CEBPZOS: variants seen among roughly 807,000 people sequenced by gnomAD.
CEBPZOS encodes protein CEBPZOS.
A neutral mutation model predicts 4.8 loss-of-function variants in CEBPZOS; 10 were observed. That is an observed-to-expected ratio of 2.07 (90% CI 1.28 to 3.52). CEBPZOS has a LOEUF of 3.52. Ranked by LOEUF, CEBPZOS falls within the 30% of genes most tolerant of loss-of-function variation. The pLI is 0.00. For missense variants in CEBPZOS, 98 were observed against 43.6 expected, an observed-to-expected ratio of 2.25 and a Z score of -3.51; for synonymous variants, 25 against 14.2, an observed-to-expected ratio of 1.77 and a Z score of -1.72.
chr2:37,210,127 C>T (rs1313728196), intron 4 of CEBPZOS: 1 of 152,028 alleles, frequency 6.6e-6, no homozygotes. Context: ...AAAAAAATTT[C>T]AGATGTTGGC....
At chr2:37,207,395 T>C (rs774268562), downstream of CEBPZOS, among the ~76,000 whole-genome samples, 1 of 152,206 alleles carries the variant, frequency 6.6e-6, no homozygotes, top group Non-Finnish European at 1.5e-5. Flanking sequence ...ATAGACCATA[T>C]GGTAGGCCAC....
At chr2:37,212,233 T>G (rs564470103) in intron 4 of CEBPZOS, 1 of 1,125,368 alleles carries the variant, frequency 8.9e-7, no homozygotes, top group Non-Finnish European at 1.3e-6. Context: ...CTTACTTGAC[T>G]ACATTTCCCC....
intron 1 of CEBPZOS, among the ~76,000 whole-genome samples, chr2:37,197,094 GAC>G (rs916333677): frequency 6.6e-6 from 1 of 152,202 alleles, no homozygotes; most frequent in Non-Finnish European, 1.5e-5. Flanking sequence ...TTAACTGCAT[GAC>G]ACACAGCCCT....
intron 4 of CEBPZOS, chr2:37,210,902 T>G: frequency 1.5e-6 from 1 of 653,208 alleles, no homozygotes. Context: ...ACCCCTGAAT[T>G]TTATTAATCA....
At chr2:37,201,196 C>A in intron 3 of CEBPZOS, 104 bp downstream of exon 3, 1 of 642,148 alleles carries the variant, frequency 1.6e-6, no homozygotes. Context: ...ATACTATTCA[C>A]ATGTATTTTA....
chr2:37,213,029 A>G (rs898128902), intron 4 of CEBPZOS, among the ~76,000 whole-genome samples: 1 of 151,572 alleles, frequency 6.6e-6, no homozygotes, highest in African/African-American at 2.4e-5. Flanking sequence ...CCTGGGAGAC[A>G]GAGAGAGCCT....
chr2:37,197,859 G>A (rs1278634051), intron 1 of CEBPZOS, among the ~76,000 whole-genome samples: 1 of 150,364 alleles, frequency 6.7e-6, no homozygotes, highest in South Asian at 2.1e-4. Context: ...GCAAGACCCA[G>A]TCTCAAAAAA....
intron 4 of CEBPZOS, chr2:37,212,122 ATTAAATGACTC>A: frequency 8.3e-7 from 1 of 1,209,514 alleles, no homozygotes; most frequent in African/African-American, 1.5e-5. Context: ...GCAGTAGGCT[ATTAAATGACTC>A]AGAAGGAGAA....
chr2:37,199,923 G>A (rs910007056), intron 2 of CEBPZOS, 104 bp downstream of exon 2: 39 of 634,406 alleles, frequency 6.1e-5, no homozygotes, highest in Non-Finnish European at 1.1e-4. Flanking sequence ...TGGTTCTTCA[G>A]ATTCAAGATA....
At chr2:37,214,104 A>T, downstream of CEBPZOS, 1 of 483,382 alleles carries the variant, frequency 2.1e-6, no homozygotes, top group Non-Finnish European at 3.6e-6. Context: ...TGAAATTTGT[A>T]TCTAATATAC....
chr2:37,197,545 A>C (rs1048931512), intron 1 of CEBPZOS, among the ~76,000 whole-genome samples: 2 of 152,240 alleles, frequency 1.3e-5, no homozygotes, highest in African/African-American at 4.8e-5. Context: ...AACTGGCTGC[A>C]GGCGGTCTTT....
Position 37,203,995 on chromosome 2 carries a change from T to C in CEBPZOS, c.*2135T>C, listed in dbSNP as rs1251169063. On this transcript the variant is annotated 3_prime_UTR_variant, in exon 5 of 5. Transcript: ENST00000402297. ...TTAATAGTGCTGCTGTGAACAATCATGTACAAGTCTTTGTATCAGAGCCAC... is the reference window on the plus strand; with the variant it reads ...TTAATAGTGCTGCTGTGAACAATCACGTACAAGTCTTTGTATCAGAGCCAC... 2.6e-5 allele frequency: 4 copies of C among 152,238 alleles called. No individual in the cohort carries two copies. The highest frequency in any genetic ancestry group is 7.2e-5 in the African/African-American group (3 of 41,464). 9.4% of individuals were successfully genotyped at this position (152,238 alleles called of 1,614,324 possible).
downstream of CEBPZOS, among the ~76,000 whole-genome samples, chr2:37,206,228 C>A (rs1356530416): frequency 2.6e-5 from 4 of 152,202 alleles, no homozygotes; most frequent in Non-Finnish European, 5.9e-5. Flanking sequence ...CGTGTGGCAA[C>A]GTGTTTAGTC....
chr2:37,212,829 C>G (rs1395561792), intron 4 of CEBPZOS, among the ~76,000 whole-genome samples: 2 of 133,672 alleles, frequency 1.5e-5, no homozygotes, highest in African/African-American at 5.5e-5. Flanking sequence ...AAGACCCTAT[C>G]TCTATTAAAA....
At chr2:37,211,864 C>G (rs1486782063) in intron 4 of CEBPZOS, 2 of 1,603,370 alleles carry the variant, frequency 1.2e-6, no homozygotes, top group South Asian at 2.3e-5. Context: ...TCACTTTCAT[C>G]ATCTAACACA....
chr2:37,201,464 AG>A (rs1677227277), intron 3 of CEBPZOS, 177 bp from the exon 4 acceptor site: 1 of 562,310 alleles, frequency 1.8e-6, no homozygotes. Context: ...TAGACGAAAT[AG>A]TGCTCATTAC....
intron 4 of CEBPZOS, chr2:37,210,736 A>C (rs769689472): frequency 5.8e-6 from 2 of 345,184 alleles, no homozygotes; most frequent in Non-Finnish European, 1.1e-5. Flanking sequence ...TATGTAACCA[A>C]ACACCCTACC....
intron 3 of CEBPZOS, 131 bp downstream of exon 3, chr2:37,201,223 ATTCT>A: frequency 3.3e-6 from 2 of 611,576 alleles, no homozygotes; most frequent in Non-Finnish European, 5.9e-6. Context: ...CTGAGACTAA[ATTCT>A]CATCTATTCT....
chr2:37,199,740 C>G lies in CEBPZOS; in HGVS notation c.36C>G (p.Ile12Met). 4.2e-6 allele frequency: 3 copies of G among 717,448 alleles called. No homozygotes were observed. The highest frequency in any genetic ancestry group is 5.2e-6 in the Non-Finnish European group (2 of 385,068). The allele number at this position is 717,448 out of a possible 1,614,324, so 44.4% of individuals were successfully genotyped here. A position where few individuals can be genotyped will look rare whatever the true frequency, so the allele number is the denominator to read the frequency against. Reference protein sequence around the residue: ...ARTLEPLAKKIFKGVLVAELV... With the variant: ...ARTLEPLAKKMFKGVLVAELV... ...CTTTGGAACCACTAGCAAAGAAGAT[C>G]TTTAAAGGAGTTTTGGTAGCCGAAC... Residue 12 changes from isoleucine (I) to methionine (M), a missense_variant, in exon 2 of 5, where the codon ATC (isoleucine) becomes ATG (methionine). Ile to Met is a conservative substitution (Grantham distance 10). Transcript: ENST00000402297.
Sources: gnomAD v4.1 joint callset for allele counts (sites outside exome capture counted in the v4.1 genomes callset) on GRCh38, gnomAD v4.1.1 for gene constraint, MANE v1.5 for transcripts, NCBI Gene and HGNC (gene_info 2026-07-23, HGNC 2026-07-21) for gene names.